SACS: variants seen among roughly 807,000 people sequenced by gnomAD.
SACS encodes the protein sacsin.
A neutral mutation model predicts 348.0 loss-of-function variants in SACS; 197 were observed. The observed-to-expected ratio is 0.57, with a 90% CI of 0.50 to 0.64. The LOEUF (loss-of-function observed/expected upper bound fraction) is 0.64, where lower values mean the gene tolerates loss of function less well. Ranked by LOEUF, SACS falls within the 30% of genes least tolerant of loss-of-function variation. The pLI is 0.00. For missense variants in SACS, 4,999 were observed against 5,360.8 expected (o/e 0.93, Z 2.11); for synonymous variants, 1,985 against 1,910.6 (o/e 1.04, Z -1.02).
chr13:23,428,076 C>G (rs962676594), intron 1 of SACS: 1 of 152,124 alleles, frequency 6.6e-6, no homozygotes. Flanking sequence ...TCCCTAGAAA[C>G]GCTCTTTGAG....
At position 23,334,711 on chromosome 13, in the gene SACS, G is replaced by A; in HGVS notation, c.9165C>T (p.Val3055=). The A allele has an allele frequency of 6.2e-7, 1 of 1,613,746 alleles. No homozygotes were observed. The highest frequency in any genetic ancestry group is 8.5e-7 in the Non-Finnish European group (1 of 1,179,788). ...CTAAAAGGAGATGTTTCAGCCTATA[G>A]ACATTCTCTGCTACTGTTTTGCGTG... ...ITTRKTVAEN[V]YRLKHLLLEI... is the part of the protein sequence containing the mutation. Residue 3055 remains valine (V), a synonymous_variant, in exon 10 of 10, where the codon GTC becomes GTT. Coordinates refer to ENST00000382292, the MANE Select transcript of SACS (RefSeq NM_014363.6).
intron 1 of SACS, among the ~76,000 whole-genome samples, chr13:23,412,977 ACT>A (rs1873553839): frequency 6.6e-6 from 1 of 152,034 alleles, no homozygotes; most frequent in African/African-American, 2.4e-5. Context: ...AAAATGAGAA[ACT>A]TTTTTTTTGT....
At chr13:23,423,467 ACT>A (rs1874039450) in intron 1 of SACS, among the ~76,000 whole-genome samples, 1 of 152,224 alleles carries the variant, frequency 6.6e-6, no homozygotes, top group Non-Finnish European at 1.5e-5. Context: ...TTTAGGATGC[ACT>A]GTTTTATATC....
intron 1 of SACS, among the ~76,000 whole-genome samples, chr13:23,420,530 T>C (rs1873889863): frequency 6.6e-6 from 1 of 152,156 alleles, no homozygotes; most frequent in Non-Finnish European, 1.5e-5. Flanking sequence ...ACCTTGGGCC[T>C]AATGTCCACC....
chr13:23,334,028 C>T lies in SACS; in HGVS notation c.9848G>A (p.Gly3283Glu). 1 of 1,613,826 alleles carries T rather than the reference C, an allele frequency of 6.2e-7. No homozygotes were observed. Among genetic ancestry groups the T allele is most frequent in the Non-Finnish European group, 8.5e-7 (1 of 1,179,844 alleles). ...GTTGGCTGAAACAGTAAACTTTGTT[C>T]CTGGAAGCAATGCCCAGTCTTTTAG... is the stretch of plus-strand genomic sequence containing the variant. ...DTLKDWALLPGTKFTVSANQL... is the reference protein window; with the variant it reads ...DTLKDWALLPETKFTVSANQL... The change falls in exon 10 of 10, where the codon GGA becomes GAA. Residue 3283 changes from glycine to glutamate, a missense_variant. Gly to Glu is a moderately conservative substitution (Grantham distance 98, BLOSUM62 -2). Coordinates refer to ENST00000382292, the MANE Select transcript of SACS (RefSeq NM_014363.6).
chr13:23,334,565 G>A lies in SACS; in HGVS notation c.9311C>T (p.Thr3104Ile). 6.2e-7 allele frequency: 1 copy of A among 1,613,380 alleles called. No individual in the cohort carries two copies. The highest frequency in any genetic ancestry group is 8.5e-7 in the Non-Finnish European group (1 of 1,179,682). ...TPADIRSFLMTFSSPDTNCHI... is the reference protein window; with the variant it reads ...TPADIRSFLMIFSSPDTNCHI... Reference sequence around the variant, plus strand: ...GCAATTAGTGTCAGGAGAGGAAAATGTCATTAAAAAAGATCTGATATCAGC... The same window carrying A: ...GCAATTAGTGTCAGGAGAGGAAAATATCATTAAAAAAGATCTGATATCAGC... Residue 3104 changes from threonine to isoleucine, a missense_variant, in exon 10 of 10, where the codon ACA becomes ATA. By Grantham distance (89) the Thr-to-Ile change is moderately conservative. Transcript: ENST00000382292.
intron 9 of SACS, among the ~76,000 whole-genome samples, chr13:23,345,580 A>T (rs1431224096): frequency 6.6e-6 from 1 of 152,236 alleles, no homozygotes; most frequent in Non-Finnish European, 1.5e-5. Context: ...CTCTACTTAT[A>T]TCAAGATTTT....
At chr13:23,385,057 C>T (rs1333003430) in intron 2 of SACS, among the ~76,000 whole-genome samples, 1 of 151,702 alleles carries the variant, frequency 6.6e-6, no homozygotes, top group East Asian at 1.9e-4. Flanking sequence ...GTCAGGAGAT[C>T]GAGAACATCC....
chr13:23,407,862 C>T (rs1402035674), intron 2 of SACS, among the ~76,000 whole-genome samples: 2 of 152,178 alleles, frequency 1.3e-5, no homozygotes, highest in Non-Finnish European at 2.9e-5. Flanking sequence ...CACATCCCAT[C>T]GGATTCCTCA....
In SACS at chr13:23,334,693, G is replaced by C; in HGVS notation, c.9183C>G (p.Leu3061=). 6.2e-7 allele frequency: 1 copy of C among 1,613,662 alleles called. No homozygotes were observed. The highest frequency in any genetic ancestry group is 2.2e-5 in the East Asian group (1 of 44,868). ...VAENVYRLKH[L]LLEIGFNLVY... is the part of the protein sequence containing the mutation. ...CCAAGTTGAAACCAATTTCTAAAAG[G>C]AGATGTTTCAGCCTATAGACATTCT... The change falls in exon 10 of 10, where the codon CTC becomes CTG. Residue 3061 remains leucine, a synonymous_variant. Transcript: ENST00000382292.
In SACS at chr13:23,355,845, C is replaced by T; in HGVS notation, c.767G>A (p.Ser256Asn). The T allele has an allele frequency of 6.2e-7, 1 of 1,614,206 alleles. No individual in the cohort carries two copies. The highest frequency in any genetic ancestry group is 8.5e-7 in the Non-Finnish European group (1 of 1,180,036). The change falls in exon 8 of 10, where the codon AGC (serine) becomes AAC (asparagine). Residue 256 changes from serine (S) to asparagine (N), a missense_variant. By Grantham distance (46) the Ser-to-Asn change is conservative. Coordinates refer to ENST00000382292, the MANE Select transcript of SACS (RefSeq NM_014363.6). Reference sequence around the variant, plus strand: ...GCCGTTTATAAATGTTTCCTTGGTGCTTCCAAAAATGCCAACAAATGGTGC... The same window carrying T: ...GCCGTTTATAAATGTTTCCTTGGTGTTTCCAAAAATGCCAACAAATGGTGC... ...QFAPFVGIFGSTKETFINGNF... is the reference protein window; with the variant it reads ...QFAPFVGIFGNTKETFINGNF...
chr13:23,388,420 GTGTA>G (rs935261845), intron 2 of SACS, among the ~76,000 whole-genome samples: 11 of 143,458 alleles, frequency 7.7e-5, no homozygotes, highest in Non-Finnish European at 1.4e-4. Context: ...AATGGTGTGT[GTGTA>G]TATATATATA....
At chr13:23,375,531 G>T (rs1465337458) in intron 2 of SACS, 4 of 1,086,074 alleles carry the variant, frequency 3.7e-6, no homozygotes, top group East Asian at 5.8e-5. Context: ...AAGCCGCGGC[G>T]GCCGAGGAGC....
Position 23,433,687 on chromosome 13 carries a change from G to C in SACS, c.-574C>G, listed in dbSNP as rs1363130102. Reference sequence around the variant, plus strand: ...GCCATCAGCAGTTCCCAGCGTGACTGTCCCGCAGCCGCACTGGGTCCAGGC... The same window carrying C: ...GCCATCAGCAGTTCCCAGCGTGACTCTCCCGCAGCCGCACTGGGTCCAGGC... On this transcript the variant is annotated 5_prime_UTR_variant, in exon 1 of 10. Coordinates refer to ENST00000382292, the MANE Select transcript of SACS (RefSeq NM_014363.6). The C allele has an allele frequency of 6.6e-6, 1 of 152,356 alleles. No homozygotes were observed. The highest frequency in any genetic ancestry group is 1.5e-5 in the Non-Finnish European group (1 of 68,138). The allele number at this position is 152,356 out of a possible 1,614,324, so 9.4% of individuals were successfully genotyped here.
rs961377840 is a variant in SACS, at chr13:23,339,642, G to A, written c.4234C>T (p.Leu1412Phe). Residue 1412 changes from leucine (L) to phenylalanine (F), a missense_variant, in exon 10 of 10, where the codon CTT (leucine) becomes TTT (phenylalanine). Leu to Phe is a conservative substitution (Grantham distance 22). Coordinates refer to ENST00000382292, the MANE Select transcript of SACS (RefSeq NM_014363.6). ...DIKVDDLNDL[L>F]EDSVEPIILV... ...ATGATTGGTTCCACAGAATCTTCAA[G>A]TAAGTCATTAAGGTCATCAACTTTA... 6 of 1,612,532 alleles carry A rather than the reference G, an allele frequency of 3.7e-6. No homozygotes were observed. Among genetic ancestry groups the A allele is most frequent in the African/African-American group, 1.3e-5 (1 of 74,874 alleles).
In SACS at chr13:23,335,996, T is replaced by C. The variant is rs36060617; in HGVS notation, c.7880A>G (p.Asn2627Ser). Residue 2627 changes from asparagine to serine, a missense_variant, in exon 10 of 10, where the codon AAT becomes AGT. By Grantham distance (46) the Asn-to-Ser change is conservative. Around this residue, in one of 6 missense-constraint regions of SACS, gnomAD observed 3,156 missense variants for 3,380.1 expected, o/e 0.93. Transcript: ENST00000382292. This position sits in a 1 kb window ranked among gnomAD's most constrained non-coding sequence, Gnocchi z 4.7. Reference sequence around the variant, plus strand: ...GCAGTCTGTGATATGATACACAGAATTGAATCCTATTCCATACTGTCCAGT... The same window carrying C: ...GCAGTCTGTGATATGATACACAGAACTGAATCCTATTCCATACTGTCCAGT... Reference protein sequence around the residue: ...YKTGQYGIGFNSVYHITDCPS... With the variant: ...YKTGQYGIGFSSVYHITDCPS... The C allele has an allele frequency of 9.9e-6, 16 of 1,613,036 alleles. No homozygotes were observed. Among genetic ancestry groups the C allele is most frequent in the African/African-American group, 1.3e-5 (1 of 74,902 alleles).
intron 2 of SACS, among the ~76,000 whole-genome samples, chr13:23,383,462 T>C (rs1277101954): frequency 6.6e-6 from 1 of 152,216 alleles, no homozygotes; most frequent in African/African-American, 2.4e-5. Flanking sequence ...TCAAGTTACC[T>C]GCATCGTAAT....
At position 23,330,310 on chromosome 13, in the gene SACS, A is replaced by T; in HGVS notation, c.13566T>A (p.Asp4522Glu). 6.2e-7 allele frequency: 1 copy of T among 1,614,224 alleles called. No individual in the cohort carries two copies. The highest frequency in any genetic ancestry group is 8.5e-7 in the Non-Finnish European group (1 of 1,180,020). Residue 4522 changes from aspartate (D) to glutamate (E), a missense_variant, in exon 10 of 10, where the codon GAT (aspartate) becomes GAA (glutamate). By Grantham distance (45) the Asp-to-Glu change is conservative (BLOSUM62 2). Coordinates refer to ENST00000382292, the MANE Select transcript of SACS (RefSeq NM_014363.6). Reference sequence around the variant, plus strand: ...CACCATAAGCTTCCAATGTGTGAACATCATTTGTCAGTCCTTCAAGTTGCT... The same window carrying T: ...CACCATAAGCTTCCAATGTGTGAACTTCATTTGTCAGTCCTTCAAGTTGCT... The part of the protein sequence containing the change: ...YSQQLEGLTN[D>E]VHTLEAYGVD...
At chr13:23,399,575 A>ACT (rs1188626979) in intron 2 of SACS, among the ~76,000 whole-genome samples, 1 of 151,726 alleles carries the variant, frequency 6.6e-6, no homozygotes, top group East Asian at 1.9e-4. Context: ...TAGATAGTAC[A>ACT]CTCCTACTCC....
Sources: allele counts gnomAD v4.1 joint callset (sites outside exome capture counted in the v4.1 genomes callset), GRCh38; gene constraint gnomAD v4.1.1; regional missense constraint gnomAD v4.1.1; non-coding constraint Gnocchi (gnomAD v3.1); transcripts MANE v1.5; gene names NCBI Gene and HGNC (gene_info 2026-07-23, HGNC 2026-07-21).